The following F13A1 variants were observed in gnomAD, a reference collection of about 807,000 sequenced individuals.
F13A1 encodes FSF, A subunit.
A neutral mutation model predicts 80.1 loss-of-function variants in F13A1; 47 were observed. The ratio of observed to expected loss-of-function variants is 0.59; its 90% confidence interval spans 0.46 to 0.75. The LOEUF (loss-of-function observed/expected upper bound fraction) is 0.75. Ranked by LOEUF, F13A1 falls within the 30% of genes least tolerant of loss-of-function variation. F13A1 has a pLI of 0.00. For missense variants in F13A1, 817 were observed against 930.4 expected (o/e 0.88, Z 1.59); for synonymous variants, 349 against 344.9 (o/e 1.01, Z -0.13).
intron 13 of F13A1, 80 bp downstream of exon 13, chr6:6,167,378 A>C (rs1760694258): frequency 1.4e-6 from 2 of 1,429,524 alleles, no homozygotes; most frequent in Non-Finnish European, 2.0e-6. Context: ...ACACACACAC[A>C]TACAAGCACG....
chr6:6,307,611 C>T (rs1758531981), intron 2 of F13A1, among the ~76,000 whole-genome samples: 1 of 152,198 alleles, frequency 6.6e-6, no homozygotes, highest in Non-Finnish European at 1.5e-5. Context: ...ATCAGTTCTC[C>T]GTTTACCAGC....
At chr6:6,195,101 C>G (rs1036850245) in intron 10 of F13A1, among the ~76,000 whole-genome samples, 1 of 152,216 alleles carries the variant, frequency 6.6e-6, no homozygotes, top group African/African-American at 2.4e-5. Flanking sequence ...TCTCGTTTAC[C>G]CAACATCTCT....
intron 12 of F13A1, 25 bp from the exon 13 acceptor site, chr6:6,167,643 C>T: frequency 6.2e-7 from 1 of 1,611,792 alleles, no homozygotes; most frequent in Non-Finnish European, 8.5e-7. Context: ...CACACACAGG[C>T]CTGGCATCAA....
intron 4 of F13A1, among the ~76,000 whole-genome samples, chr6:6,263,499 G>C (rs1366635233): frequency 6.6e-6 from 1 of 152,054 alleles, no homozygotes; most frequent in Non-Finnish European, 1.5e-5. Flanking sequence ...CTTCTCCTTT[G>C]TCTCAACTCT....
rs542893144 is a variant in F13A1, at chr6:6,266,668, A to G, written c.461T>C (p.Ile154Thr). ...RLSIQSSPKC[I>T]VGKFRMYVAV... is the part of the protein sequence containing the mutation. ...AACATACATGCGGAATTTCCCCACA[A>G]TACATTTGGGGGAAGACTGGATGGA... The change falls in exon 4 of 15, where the codon ATT (isoleucine) becomes ACT (threonine). Residue 154 changes from isoleucine (I) to threonine (T), a missense_variant. Coordinates refer to ENST00000264870, the MANE Select transcript of F13A1 (RefSeq NM_000129.4). The G allele has an allele frequency of 5.0e-6, 8 of 1,614,122 alleles. No individual in the cohort carries two copies. The African/African-American group carries it at 6.7e-5, about 13-fold the overall frequency.
At chr6:6,163,006 G>A (rs539858645) in intron 13 of F13A1, among the ~76,000 whole-genome samples, 11 of 152,296 alleles carry the variant, frequency 7.2e-5, no homozygotes, top group African/African-American at 1.9e-4. Context: ...GAAGAGAGGC[G>A]TTTAATAATG....
At chr6:6,216,796 T>C (rs1024555297) in intron 8 of F13A1, among the ~76,000 whole-genome samples, 1 of 137,732 alleles carries the variant, frequency 7.3e-6, no homozygotes, top group African/African-American at 2.9e-5. Context: ...AGGGCTAATA[T>C]CCAGAATCTA....
rs148549362 is a variant in F13A1, at chr6:6,245,503, C to T, written c.798+2809G>A. 8.4e-3 allele frequency among the ~76,000 whole-genome samples: 1,275 copies of T among 152,312 alleles called. 16 individuals are homozygous for T. Among genetic ancestry groups the T allele is most frequent in the African/African-American group, 0.029 (1,212 of 41,570 alleles). ...CCTCCCAAAGTGCTGGGATTACAGGCGTGAGCCACCGTTCCTGGCCCAAAT... is the reference window on the plus strand; with the variant it reads ...CCTCCCAAAGTGCTGGGATTACAGGTGTGAGCCACCGTTCCTGGCCCAAAT... On this transcript the variant is annotated intron_variant, in intron 6 of 14. Coordinates refer to ENST00000264870, the MANE Select transcript of F13A1 (RefSeq NM_000129.4).
At position 6,187,988 on chromosome 6, in the gene F13A1, T is replaced by C. The variant is rs564533849; in HGVS notation, c.1306-5847A>G. Among the ~76,000 whole-genome samples, 13 of 150,342 alleles carry C rather than the reference T, an allele frequency of 8.6e-5. No homozygotes were observed. The South Asian group carries it at 2.3e-3, about 27-fold the overall frequency. The stretch of plus-strand genomic sequence containing the variant: ...TGTCGAGGAATTTATCCATTTCTTC[T>C]ATATTTTCTAGTTTATTTGCATAGA... On this transcript the variant is annotated intron_variant, in intron 10 of 14. Coordinates refer to ENST00000264870, the MANE Select transcript of F13A1 (RefSeq NM_000129.4).
chr6:6,303,613 C>G (rs548393304), intron 3 of F13A1, among the ~76,000 whole-genome samples: 1 of 152,260 alleles, frequency 6.6e-6, no homozygotes, highest in East Asian at 1.9e-4. Context: ...AGTCACCATG[C>G]TGTGGAATAG....
intron 6 of F13A1, among the ~76,000 whole-genome samples, chr6:6,238,210 A>C (rs1033927606): frequency 2.8e-4 from 42 of 152,326 alleles, no homozygotes; most frequent in African/African-American, 9.9e-4. Context: ...TTCAATGAAG[A>C]AAATGACAGT....
At chr6:6,256,737 C>T (rs576832116) in intron 4 of F13A1, among the ~76,000 whole-genome samples, 1 of 152,230 alleles carries the variant, frequency 6.6e-6, no homozygotes, top group Admixed American at 6.5e-5. Flanking sequence ...AATGCTGAGC[C>T]TACTGATTTT....
chr6:6,202,779 T>G (rs1320024598), intron 8 of F13A1, among the ~76,000 whole-genome samples: 1 of 152,252 alleles, frequency 6.6e-6, no homozygotes, highest in Non-Finnish European at 1.5e-5. Flanking sequence ...TGTTTCTTCC[T>G]GTGTGTTCCG....
intron 8 of F13A1, among the ~76,000 whole-genome samples, chr6:6,197,868 C>T (rs1272634254): frequency 1.3e-5 from 2 of 152,184 alleles, no homozygotes; most frequent in Admixed American, 1.3e-4. Context: ...CTGCTAAGAG[C>T]AGCTTCAAGG....
chr6:6,255,497 C>T (rs935744940), intron 4 of F13A1, among the ~76,000 whole-genome samples: 39 of 152,082 alleles, frequency 2.6e-4, no homozygotes, highest in Admixed American at 5.9e-4. Flanking sequence ...ATGACTGCGT[C>T]CCCAGCCCCC....
At chr6:6,262,991 G>C (rs1274244123) in intron 4 of F13A1, among the ~76,000 whole-genome samples, 1 of 125,026 alleles carries the variant, frequency 8.0e-6, no homozygotes, top group African/African-American at 3.0e-5. Flanking sequence ...ATGCCTGCAT[G>C]GGGGACTGAA....
chr6:6,309,344 T>C (rs1392689023), intron 2 of F13A1, among the ~76,000 whole-genome samples: 1 of 152,046 alleles, frequency 6.6e-6, no homozygotes. Flanking sequence ...GAGGAGCCCC[T>C]AACCCACATT....
chr6:6,239,766 T>C (rs1195768208), intron 6 of F13A1, among the ~76,000 whole-genome samples: 4 of 152,152 alleles, frequency 2.6e-5, no homozygotes, highest in Non-Finnish European at 5.9e-5. Context: ...CTGTTTTCAT[T>C]GCCATACCAC....
intron 8 of F13A1, among the ~76,000 whole-genome samples, chr6:6,210,060 T>C (rs1761574179): frequency 6.7e-6 from 1 of 148,942 alleles, no homozygotes; most frequent in Non-Finnish European, 1.5e-5. Flanking sequence ...ATCTTGTCTC[T>C]ACAAAAAAAA....
Sources: gnomAD v4.1 joint callset for allele counts (sites outside exome capture counted in the v4.1 genomes callset) on GRCh38, gnomAD v4.1.1 for gene constraint, MANE v1.5 for transcripts, NCBI Gene and HGNC (gene_info 2026-07-23, HGNC 2026-07-21) for gene names.